Variants in CFB observed in about 807,000 individuals in gnomAD.
CFB encodes complement factor B.
A neutral mutation model predicts 97.2 loss-of-function variants in CFB; 59 were observed. The ratio of observed to expected loss-of-function variants is 0.61; its 90% CI spans 0.49 to 0.75. The LOEUF (loss-of-function observed/expected upper bound fraction) is 0.75. CFB is among the 30% of genes least tolerant of loss of function. The probability of loss-of-function intolerance (pLI) is 0.00; values close to 1 mark genes in which losing one functional copy is unlikely to be tolerated. For missense variants in CFB, 771 were observed against 959.8 expected (o/e 0.80, Z 2.60); for synonymous variants, 316 against 351.7 (o/e 0.90, Z 1.14).
chr6:31,951,642 G>C lies in CFB; in HGVS notation c.2139+38G>C. 1 of 1,613,392 alleles carries C rather than the reference G, an allele frequency of 6.2e-7. No individual in the cohort carries two copies. On this transcript the variant is annotated intron_variant, in intron 17 of 17. Coordinates refer to ENST00000425368, the MANE Select transcript of CFB (RefSeq NM_001710.6). This position sits in a 1 kb window ranked among gnomAD's most constrained non-coding sequence, Gnocchi z 4.3. ...TTTCCTATCTGGGGAGATGCCAAGT[G>C]GTCAGCATGGGCCCCAAAGCAGGAA...
At chr6:31,948,319 C>T (rs1431614479) in intron 6 of CFB, 55 bp from the exon 7 acceptor site, 2 of 1,612,676 alleles carry the variant, frequency 1.2e-6, no homozygotes, top group South Asian at 1.1e-5. Flanking sequence ...CTGAAATCTC[C>T]CAATCACAGT....
At chr6:31,950,546 G>C (rs994504035) in intron 12 of CFB, 73 bp from the exon 13 acceptor site, 1 of 1,605,988 alleles carries the variant, frequency 6.2e-7, no homozygotes, top group African/African-American at 1.3e-5. Flanking sequence ...GGGAAGACGT[G>C]AAGTTAGGAA....
chr6:31,948,260 C>G (rs1184472867), intron 6 of CFB, 114 bp from the exon 7 acceptor site: 1 of 1,532,612 alleles, frequency 6.5e-7, no homozygotes. Flanking sequence ...CTCCATGAAC[C>G]TCAGCCCTTG....
intron 7 of CFB, 29 bp from the exon 8 acceptor site, chr6:31,948,801 T>C (rs1175850101): frequency 6.2e-7 from 1 of 1,612,904 alleles, no homozygotes; most frequent in East Asian, 2.2e-5. Flanking sequence ...GAAGACCAGG[T>C]GAGGTGATGG....
Position 31,950,778 on chromosome 6 carries a change from A to G in CFB, c.1778+6A>G. On this transcript the variant is annotated splice_donor_region_variant and intron_variant, in intron 13 of 17. Coordinates refer to ENST00000425368, the MANE Select transcript of CFB (RefSeq NM_001710.6). ...AAATATGGCCAGACTATCAGGTGAGAGCGTCCAGATCCCTGAGGAAAGGCT... is the reference window on the plus strand; with the variant it reads ...AAATATGGCCAGACTATCAGGTGAGGGCGTCCAGATCCCTGAGGAAAGGCT... 6.2e-7 allele frequency: 1 copy of G among 1,613,076 alleles called. No individual in the cohort carries two copies. Among genetic ancestry groups the G allele is most frequent in the Middle Eastern group, 1.6e-4 (1 of 6,062 alleles).
chr6:31,947,567 C>T lies in CFB; in HGVS notation c.658+46C>T, dbSNP rs1486066616. The T allele has an allele frequency of 1.2e-6, 2 of 1,609,822 alleles. No individual in the cohort carries two copies. The highest frequency in any genetic ancestry group is 2.2e-5 in the East Asian group (1 of 44,864). The stretch of plus-strand genomic sequence containing the variant: ...CCAGGTCAGATCCTGGTCTTCCATC[C>T]TACTGTCTTCTCTCCCCACCTCAAC... On this transcript the variant is annotated intron_variant, in intron 4 of 17. Transcript: ENST00000425368. This position sits in a 1 kb window ranked among gnomAD's most constrained non-coding sequence, Gnocchi z 5.3.
At position 31,949,417 on chromosome 6, in the gene CFB, C is replaced by T. The variant is rs761103142; in HGVS notation, c.1271-3C>T. 3.7e-6 allele frequency: 6 copies of T among 1,614,118 alleles called. No individual in the cohort carries two copies. Among genetic ancestry groups the T allele is most frequent in the Middle Eastern group, 1.6e-4 (1 of 6,084 alleles). On this transcript the variant is annotated splice_region_variant and splice_polypyrimidine_tract_variant and intron_variant, in intron 9 of 17. Transcript: ENST00000425368. The stretch of plus-strand genomic sequence containing the variant: ...ACCCTCATCCTTCCTTTTTATCCCT[C>T]AGATGTCTATGTGTTTGGGGTCGGG...
rs1287066438 is a variant in CFB at position 31,948,823 on chromosome 6, T to G, written c.1037-7T>G. ...AGGTGAGGTGATGGTCTCTTCCCTCTCCACAGACCACAAGTTGAAGTCAGG... is the reference window on the plus strand; with the variant it reads ...AGGTGAGGTGATGGTCTCTTCCCTCGCCACAGACCACAAGTTGAAGTCAGG... On this transcript the variant is annotated splice_region_variant and splice_polypyrimidine_tract_variant and intron_variant, in intron 7 of 17. Coordinates refer to ENST00000425368, the MANE Select transcript of CFB (RefSeq NM_001710.6). 8.7e-6 allele frequency: 14 copies of G among 1,612,984 alleles called. No homozygotes were observed. The highest frequency in any genetic ancestry group is 1.2e-5 in the Non-Finnish European group (14 of 1,180,002).
Position 31,946,175 on chromosome 6 carries a change from C to A in CFB, c.-47C>A. 1 of 1,598,936 alleles carries A rather than the reference C, an allele frequency of 6.3e-7. No individual in the cohort carries two copies. The highest frequency in any genetic ancestry group is 8.6e-7 in the Non-Finnish European group (1 of 1,167,166). On this transcript the variant is annotated 5_prime_UTR_variant, in exon 1 of 18. Coordinates refer to ENST00000425368, the MANE Select transcript of CFB (RefSeq NM_001710.6). This position sits in a 1 kb window ranked among gnomAD's most constrained non-coding sequence, Gnocchi z 6.4. ...AGCAGACAAGCAAAGCAAGCCAGGA[C>A]ACACCATCCTGCCCCAGGCCCAGCT...
chr6:31,948,021 C>G lies in CFB; in HGVS notation c.837C>G (p.Asp279Glu), dbSNP rs147564718. 1.4e-4 allele frequency: 221 copies of G among 1,614,196 alleles called. 1 individual carries two copies. The African/African-American group carries it at 2.8e-3, about 20-fold the overall frequency. Residue 279 changes from aspartate (D) to glutamate (E), a missense_variant, in exon 6 of 18, where the codon GAC becomes GAG. Asp to Glu is a conservative substitution (Grantham distance 45). Transcript: ENST00000425368. The part of the protein sequence containing the change: ...MNIYLVLDGS[D>E]SIGASNFTGA... ...TCTACCTGGTGCTAGATGGATCAGA[C>G]AGCATTGGGGCCAGCAACTTCACAG... is the stretch of plus-strand genomic sequence containing the variant.
chr6:31,948,150 T>C, intron 6 of CFB, 69 bp downstream of exon 6: 3 of 1,591,092 alleles, frequency 1.9e-6, no homozygotes, highest in Non-Finnish European at 2.6e-6. Flanking sequence ...AGCTCCCTGA[T>C]CATTCCAGCC....
chr6:31,951,666 A>T lies in CFB; in HGVS notation c.2139+62A>T. On this transcript the variant is annotated intron_variant, in intron 17 of 17. Transcript: ENST00000425368. This position sits in a 1 kb window ranked among gnomAD's most constrained non-coding sequence, Gnocchi z 4.3. The stretch of plus-strand genomic sequence containing the variant: ...TGGTCAGCATGGGCCCCAAAGCAGG[A>T]AAGCTCAATGCATGTGGCTAGTAAT... 6.2e-7 allele frequency: 1 copy of T among 1,606,566 alleles called. No individual in the cohort carries two copies. Among genetic ancestry groups the T allele is most frequent in the Non-Finnish European group, 8.5e-7 (1 of 1,173,056 alleles).
At chr6:31,949,613 A>G in intron 10 of CFB, 56 bp downstream of exon 10, 1 of 1,603,298 alleles carries the variant, frequency 6.2e-7, no homozygotes, top group Non-Finnish European at 8.5e-7. Flanking sequence ...CCCTGAAGTA[A>G]TTCATTCTTC....
intron 6 of CFB, 46 bp from the exon 7 acceptor site, chr6:31,948,328 G>A (rs1214420191): frequency 1.2e-6 from 2 of 1,613,616 alleles, no homozygotes; most frequent in African/African-American, 2.7e-5. Context: ...CCCAATCACA[G>A]TATTCTATTT....
Position 31,951,664 on chromosome 6 carries a change from G to A in CFB, c.2139+60G>A. On this transcript the variant is annotated intron_variant, in intron 17 of 17. Transcript: ENST00000425368. This position sits in a 1 kb window ranked among gnomAD's most constrained non-coding sequence, Gnocchi z 4.3. ...AGTGGTCAGCATGGGCCCCAAAGCA[G>A]GAAAGCTCAATGCATGTGGCTAGTA... 6.2e-7 allele frequency: 1 copy of A among 1,609,490 alleles called. No homozygotes were observed. The highest frequency in any genetic ancestry group is 8.5e-7 in the Non-Finnish European group (1 of 1,175,748).
chr6:31,947,230 T>C lies in CFB; in HGVS notation c.484+38T>C, dbSNP rs747017251. 4 of 1,611,438 alleles carry C rather than the reference T, an allele frequency of 2.5e-6. No homozygotes were observed. The Admixed American group carries it at 6.7e-5, about 27-fold the overall frequency. On this transcript the variant is annotated intron_variant, in intron 3 of 17. Coordinates refer to ENST00000425368, the MANE Select transcript of CFB (RefSeq NM_001710.6). The surrounding 1 kb of genome is among the most constrained non-coding windows in gnomAD (Gnocchi z 5.3). ...CCCTCCCCCTACATTGCTGTCTCCC[T>C]GACGGCGCCCAGCCCGAGGAGTGGG...
At chr6:31,950,554 G>T in intron 12 of CFB, 65 bp from the exon 13 acceptor site, 1 of 1,608,862 alleles carries the variant, frequency 6.2e-7, no homozygotes. Flanking sequence ...GTGAAGTTAG[G>T]AATGACACGG....
In CFB at chr6:31,951,352, TGAGA is replaced by T. The variant is rs772068606; in HGVS notation, c.1973_1976del (p.Arg658MetfsTer28). 2 of 1,613,994 alleles carry T rather than the reference TGAGA, an allele frequency of 1.2e-6. No individual in the cohort carries two copies. Among genetic ancestry groups the T allele is most frequent in the Non-Finnish European group, 1.7e-6 (2 of 1,179,984 alleles). ...CACCTCCCCTACAGAAAGGCAGCTGTGAGAGAGATGCTCAATATGCCCCAGGCTA... is the reference window on the plus strand; with the variant it reads ...CACCTCCCCTACAGAAAGGCAGCTGTGAGATGCTCAATATGCCCCAGGCTA... On this transcript the variant is annotated frameshift_variant, in exon 16 of 18. Coordinates refer to ENST00000425368, the MANE Select transcript of CFB (RefSeq NM_001710.6). LOFTEE classifies it high-confidence loss of function. The surrounding 1 kb of genome is among the most constrained non-coding windows in gnomAD (Gnocchi z 4.3).
rs1771723814 is a variant in CFB, at chr6:31,950,942, A to G, written c.1853A>G (p.Gln618Arg). The change falls in exon 14 of 18, where the codon CAA becomes CGA. Residue 618 changes from glutamine (Q) to arginine (R), a missense_variant and splice_region_variant. Coordinates refer to ENST00000425368, the MANE Select transcript of CFB (RefSeq NM_001710.6). ...CCTCCAACTACCACTTGCCAGCAAC[A>G]AAGTAAGACATACTTGGCAAGAGGA... is the stretch of plus-strand genomic sequence containing the variant. ...RLPPTTTCQQ[Q>R]KEELLPAQDI... 1 of 1,613,012 alleles carries G rather than the reference A, an allele frequency of 6.2e-7. No individual in the cohort carries two copies. Among genetic ancestry groups the G allele is most frequent in the Non-Finnish European group, 8.5e-7 (1 of 1,179,994 alleles).
Sources: gnomAD v4.1 joint callset for allele counts on GRCh38, gnomAD v4.1.1 for gene constraint, Gnocchi (gnomAD v3.1) non-coding constraint, MANE v1.5 for transcripts, NCBI Gene and HGNC (gene_info 2026-07-23, HGNC 2026-07-21) for gene names.